Variants in FAM174B observed in about 807,000 individuals in gnomAD.
FAM174B encodes the protein membrane protein FAM174B.
A neutral mutation model predicts 10.9 loss-of-function variants in FAM174B; 12 were observed. That is an observed-to-expected ratio of 1.10 (90% confidence interval 0.71 to 1.79). The LOEUF (loss-of-function observed/expected upper bound fraction) is 1.79. FAM174B is among the 40% of genes most tolerant of loss of function. The probability of loss-of-function intolerance (pLI) is 0.00; values close to 1 mark genes in which losing one functional copy is unlikely to be tolerated. For missense variants in FAM174B, 266 were observed against 233.3 expected (o/e 1.14, Z -0.91); for synonymous variants, 132 against 115.8 (o/e 1.14, Z -0.90).
intron 1 of FAM174B, among the ~76,000 whole-genome samples, chr15:92,643,616 G>GTA (rs752630972): frequency 1.3e-5 from 2 of 152,094 alleles, no homozygotes; most frequent in Non-Finnish European, 2.9e-5. Flanking sequence ...TTGAAATGGA[G>GTA]TAAGTCTGTG....
At chr15:92,635,108 C>G (rs1467708223) in intron 1 of FAM174B, among the ~76,000 whole-genome samples, 1 of 111,424 alleles carries the variant, frequency 9.0e-6, no homozygotes. Context: ...CTCTCTCTCT[C>G]TCTCTTTCTC....
chr15:92,637,814 A>G (rs2050865673), intron 1 of FAM174B, among the ~76,000 whole-genome samples: 1 of 152,202 alleles, frequency 6.6e-6, no homozygotes, highest in Admixed American at 6.5e-5. Flanking sequence ...CCCTGGGTCC[A>G]TTCGTGGGCA....
chr15:92,638,910 C>T (rs571854487), intron 1 of FAM174B, among the ~76,000 whole-genome samples: 1 of 152,222 alleles, frequency 6.6e-6, no homozygotes, highest in African/African-American at 2.4e-5. Flanking sequence ...CTGCGTCATC[C>T]ACAGCACTGG....
chr15:92,626,649 G>T (rs2050755038), intron 2 of FAM174B, among the ~76,000 whole-genome samples: 1 of 152,072 alleles, frequency 6.6e-6, no homozygotes, highest in Non-Finnish European at 1.5e-5. Context: ...GTCTGGAGCG[G>T]GAAACTTATA....
intron 1 of FAM174B, among the ~76,000 whole-genome samples, chr15:92,635,399 A>C (rs892602509): frequency 5.9e-5 from 9 of 152,100 alleles, no homozygotes; most frequent in African/African-American, 2.2e-4. Flanking sequence ...ATAGGGATAA[A>C]ACTGAGACTG....
At position 92,644,023 on chromosome 15, in the gene FAM174B, T is replaced by C. The variant is rs142848515; in HGVS notation, c.344+11293A>G. ...AATGCTCTGAGGACACAGACCTGTTTCGCTTTTACCCTCTGAGCTCTACGC... is the reference window on the plus strand; with the variant it reads ...AATGCTCTGAGGACACAGACCTGTTCCGCTTTTACCCTCTGAGCTCTACGC... On this transcript the variant is annotated intron_variant, in intron 1 of 2. Transcript: ENST00000327355. Among the ~76,000 whole-genome samples, 1,199 of 152,246 alleles carry C rather than the reference T, an allele frequency of 7.9e-3. 13 individuals carry two copies. The highest frequency in any genetic ancestry group is 0.012 in the Non-Finnish European group (817 of 68,016).
chr15:92,655,100 A>C, intron 1 of FAM174B: 1 of 492,842 alleles, frequency 2.0e-6, no homozygotes, highest in Non-Finnish European at 3.3e-6. Flanking sequence ...ATATAGTTAA[A>C]GAGAGGAAAG....
intron 1 of FAM174B, among the ~76,000 whole-genome samples, chr15:92,648,998 C>G (rs1407002224): frequency 6.6e-6 from 1 of 152,224 alleles, no homozygotes; most frequent in African/African-American, 2.4e-5. Context: ...TCCATGAAGG[C>G]TTCTTTGCTT....
At chr15:92,644,550 G>A (rs917420378) in intron 1 of FAM174B, among the ~76,000 whole-genome samples, 5 of 151,848 alleles carry the variant, frequency 3.3e-5, no homozygotes, top group South Asian at 2.1e-4. Flanking sequence ...ATGCACCCTC[G>A]CCTCACCCCT....
intron 1 of FAM174B, among the ~76,000 whole-genome samples, chr15:92,646,527 T>A (rs2050928841): frequency 6.6e-6 from 1 of 152,208 alleles, no homozygotes; most frequent in Non-Finnish European, 1.5e-5. Flanking sequence ...CAATTTGGAA[T>A]CTCAGCAGTG....
At chr15:92,621,676 AAG>A (rs2050720512) in intron 2 of FAM174B, among the ~76,000 whole-genome samples, 1 of 152,074 alleles carries the variant, frequency 6.6e-6, no homozygotes, top group Admixed American at 6.5e-5. Context: ...AGACTAGAGA[AAG>A]AGAAAAAGAA....
At chr15:92,631,535 C>A (rs1363529307) in intron 1 of FAM174B, among the ~76,000 whole-genome samples, 3 of 125,374 alleles carry the variant, frequency 2.4e-5, no homozygotes, top group Admixed American at 1.0e-4. Context: ...CGCTCTGTCA[C>A]CCAGGCTGGA....
At chr15:92,626,182 T>C (rs910067453) in intron 2 of FAM174B, among the ~76,000 whole-genome samples, 6 of 144,602 alleles carry the variant, frequency 4.1e-5, no homozygotes, top group Non-Finnish European at 5.9e-5. Flanking sequence ...CACTGCAATC[T>C]CTGCCTCCTG....
intron 2 of FAM174B, among the ~76,000 whole-genome samples, chr15:92,628,549 T>G (rs2050769300): frequency 6.6e-6 from 1 of 152,096 alleles, no homozygotes; most frequent in Non-Finnish European, 1.5e-5. Context: ...GGGCCAACTG[T>G]GCATTATTTT....
chr15:92,647,412 G>C (rs1447567068), intron 1 of FAM174B, among the ~76,000 whole-genome samples: 1 of 152,034 alleles, frequency 6.6e-6, no homozygotes, highest in Non-Finnish European at 1.5e-5. Flanking sequence ...CTGCCAAGTA[G>C]AATCATTCAA....
intron 2 of FAM174B, among the ~76,000 whole-genome samples, chr15:92,621,317 A>G (rs985141394): frequency 6.6e-6 from 1 of 152,212 alleles, no homozygotes; most frequent in Non-Finnish European, 1.5e-5. Flanking sequence ...AAGTTGTTTA[A>G]AGAGAAAACA....
intron 2 of FAM174B, among the ~76,000 whole-genome samples, chr15:92,626,053 A>G (rs532401374): frequency 1.3e-5 from 2 of 152,228 alleles, no homozygotes; most frequent in Non-Finnish European, 2.9e-5. Context: ...ATCTACACAG[A>G]AAACCCAAAG....
At chr15:92,636,018 G>A (rs906747184) in intron 1 of FAM174B, among the ~76,000 whole-genome samples, 3 of 152,208 alleles carry the variant, frequency 2.0e-5, no homozygotes, top group Admixed American at 6.5e-5. Context: ...TGGGCTCAGA[G>A]AACAGTGCAG....
At chr15:92,634,775 CG>C (rs1316454704) in intron 1 of FAM174B, 2 of 152,212 alleles carry the variant, frequency 1.3e-5, no homozygotes, top group Admixed American at 1.3e-4. Context: ...GTGGAATCAA[CG>C]GGCTCTGAGT....
Sources: gnomAD v4.1 joint callset for allele counts (sites outside exome capture counted in the v4.1 genomes callset) on GRCh38, gnomAD v4.1.1 for gene constraint, MANE v1.5 for transcripts, NCBI Gene and HGNC (gene_info 2026-07-23, HGNC 2026-07-21) for gene names.